PTPRD: variants seen among roughly 807,000 people sequenced by gnomAD.
The protein encoded by PTPRD is protein tyrosine phosphatase receptor type D, also known as receptor-type tyrosine-protein phosphatase delta.
Under a neutral mutation model 214.5 loss-of-function variants are expected in PTPRD, and 34 were observed. The observed-to-expected ratio is 0.16, with a 90% CI of 0.12 to 0.21. The LOEUF (loss-of-function observed/expected upper bound fraction) is 0.21, where lower values mean the gene tolerates loss of function less well. Ranked by LOEUF, PTPRD falls within the 10% of genes least tolerant of loss-of-function variation. PTPRD has a pLI of 1.00. For synonymous variants in PTPRD, 1,128 were observed against 845.7 expected, an observed-to-expected ratio of 1.33 and a Z score of -5.79; for missense variants, 2,545 against 2,398.7, an observed-to-expected ratio of 1.06 and a Z score of -1.27.
At chr9:8,636,593 A>G (rs986261494) in intron 13 of PTPRD, 106 bp downstream of exon 13, 17 of 1,364,436 alleles carry the variant, frequency 1.2e-5, no homozygotes, top group South Asian at 2.8e-5. Flanking sequence ...GGAATACCAT[A>G]TATCAGTGAC....
chr9:10,518,227 A>G (rs1054718602), intron 2 of PTPRD, among the ~76,000 whole-genome samples: 3 of 152,146 alleles, frequency 2.0e-5, no homozygotes, highest in African/African-American at 7.2e-5. Context: ...GTTTTTTTAA[A>G]TGGTTCAATA....
intron 5 of PTPRD, among the ~76,000 whole-genome samples, chr9:9,781,824 G>A (rs1391159035): frequency 4.2e-5 from 6 of 143,576 alleles, no homozygotes; most frequent in Non-Finnish European, 7.4e-5. Flanking sequence ...ACGGAGTCTC[G>A]CTCTGTCGCC....
chr9:10,509,555 T>C (rs1247657022), intron 2 of PTPRD, among the ~76,000 whole-genome samples: 1 of 6,698 alleles, frequency 1.5e-4, no homozygotes, highest in Admixed American at 2.9e-3. Context: ...ATTTAATAAA[T>C]ATTATATATA....
At chr9:8,822,066 A>G (rs1168293093) in intron 11 of PTPRD, among the ~76,000 whole-genome samples, 4 of 152,230 alleles carry the variant, frequency 2.6e-5, no homozygotes, top group Non-Finnish European at 5.9e-5. Flanking sequence ...AGTCACTGTG[A>G]AAGCAGAAAA....
At chr9:8,812,049 T>C (rs1202993130) in intron 11 of PTPRD, among the ~76,000 whole-genome samples, 1 of 152,196 alleles carries the variant, frequency 6.6e-6, no homozygotes, top group East Asian at 1.9e-4. Flanking sequence ...GAGTGGATAC[T>C]TGAACATAAA....
At chr9:10,030,812 C>A (rs1247337877) in intron 4 of PTPRD, among the ~76,000 whole-genome samples, 1 of 152,210 alleles carries the variant, frequency 6.6e-6, no homozygotes, top group Non-Finnish European at 1.5e-5. Context: ...TCCCATCCCG[C>A]TTCATCTTCA....
intron 27 of PTPRD, among the ~76,000 whole-genome samples, chr9:8,492,210 C>T (rs1472935098): frequency 6.6e-6 from 1 of 152,098 alleles, no homozygotes; most frequent in African/African-American, 2.4e-5. Flanking sequence ...GACAAAATGA[C>T]AAAAGGTAGA....
intron 12 of PTPRD, among the ~76,000 whole-genome samples, chr9:8,696,693 A>AT (rs1199807206): frequency 1.3e-5 from 2 of 152,232 alleles, no homozygotes; most frequent in Admixed American, 1.3e-4. Context: ...AGGGTCTGAC[A>AT]TAAGATGACG....
At chr9:9,427,330 G>T (rs1288285357) in intron 8 of PTPRD, among the ~76,000 whole-genome samples, 1 of 152,122 alleles carries the variant, frequency 6.6e-6, no homozygotes, top group Admixed American at 6.5e-5. Flanking sequence ...AAGATCAAAT[G>T]AATGAAATGA....
chr9:8,821,870 G>A (rs2097073881), intron 11 of PTPRD, among the ~76,000 whole-genome samples: 1 of 152,074 alleles, frequency 6.6e-6, no homozygotes, highest in Admixed American at 6.5e-5. Context: ...TCACCATCTT[G>A]GCCAGGCTGG....
chr9:10,001,990 T>C (rs2096331083), intron 4 of PTPRD, among the ~76,000 whole-genome samples: 1 of 151,996 alleles, frequency 6.6e-6, no homozygotes, highest in South Asian at 2.1e-4. Flanking sequence ...TTTAAAATTA[T>C]AAAGATGTAA....
chr9:10,205,228 AT>A (rs933866774), intron 3 of PTPRD, among the ~76,000 whole-genome samples: 12 of 151,566 alleles, frequency 7.9e-5, no homozygotes, highest in Admixed American at 5.3e-4. Flanking sequence ...TTATTTCAGA[AT>A]TTTTTTTCAA....
At chr9:10,162,689 G>GTA (rs1261364439) in intron 3 of PTPRD, among the ~76,000 whole-genome samples, 5 of 144,586 alleles carry the variant, frequency 3.5e-5, no homozygotes, top group African/African-American at 5.0e-5. Flanking sequence ...GTATATATGT[G>GTA]TATATATATA....
intron 14 of PTPRD, among the ~76,000 whole-genome samples, chr9:8,543,785 TCA>T (rs2079105842): frequency 6.6e-6 from 1 of 152,158 alleles, no homozygotes; most frequent in African/African-American, 2.4e-5. Context: ...TGGTCTAGGC[TCA>T]CTGCAACCTC....
At chr9:8,585,746 T>C (rs761368786) in intron 14 of PTPRD, among the ~76,000 whole-genome samples, 21 of 152,234 alleles carry the variant, frequency 1.4e-4, no homozygotes, top group Admixed American at 7.9e-4. Context: ...AAATTTACAA[T>C]TGCATTGAAA....
intron 11 of PTPRD, among the ~76,000 whole-genome samples, chr9:8,816,543 A>G (rs2096922577): frequency 6.6e-6 from 1 of 152,210 alleles, no homozygotes; most frequent in South Asian, 2.1e-4. Context: ...TCTTCCATGC[A>G]ACCATGTTGC....
intron 8 of PTPRD, among the ~76,000 whole-genome samples, chr9:9,568,715 A>C (rs1319310936): frequency 6.6e-6 from 1 of 151,858 alleles, no homozygotes; most frequent in African/African-American, 2.4e-5. Context: ...TTATAACTTA[A>C]TGGGAGGTAG....
intron 7 of PTPRD, among the ~76,000 whole-genome samples, chr9:9,701,034 G>C (rs2097489037): frequency 6.7e-6 from 1 of 148,320 alleles, no homozygotes; most frequent in Non-Finnish European, 1.5e-5. Flanking sequence ...ACTTCATCCT[G>C]AGATTAAAAA....
At chr9:9,957,075 C>A (rs770578339) in intron 4 of PTPRD, among the ~76,000 whole-genome samples, 2 of 152,036 alleles carry the variant, frequency 1.3e-5, no homozygotes, top group African/African-American at 4.8e-5. Flanking sequence ...GGAGAACATA[C>A]AACTAATTTA....
Sources: gnomAD v4.1 joint callset for allele counts (sites outside exome capture counted in the v4.1 genomes callset) on GRCh38, gnomAD v4.1.1 for gene constraint, MANE v1.5 for transcripts, NCBI Gene and HGNC (gene_info 2026-07-23, HGNC 2026-07-21) for gene names.